Variants in SLC22A15 observed in about 807,000 individuals in gnomAD.
The protein encoded by SLC22A15 is solute carrier family 22 member 15.
SLC22A15 carries 45 observed loss-of-function variants against 62.7 expected under a neutral mutation model. The ratio of observed to expected loss-of-function variants is 0.72; its 90% CI spans 0.56 to 0.92. The LOEUF is 0.92. Ranked by LOEUF, SLC22A15 falls within the 40% of genes least tolerant of loss-of-function variation. SLC22A15 has a pLI of 0.00. For synonymous variants in SLC22A15, 264 were observed against 267.0 expected (o/e 0.99, Z 0.11); for missense variants, 622 against 665.6 (o/e 0.93, Z 0.72).
intron 2 of SLC22A15, among the ~76,000 whole-genome samples, chr1:115,999,820 AT>A (rs1382963020): frequency 6.6e-6 from 1 of 152,028 alleles, no homozygotes; most frequent in East Asian, 1.9e-4. Context: ...CTTAATTCTT[AT>A]ATCCACTTGC....
At chr1:116,058,435 G>T (rs1281571444) in intron 8 of SLC22A15, among the ~76,000 whole-genome samples, 1 of 152,166 alleles carries the variant, frequency 6.6e-6, no homozygotes, top group Non-Finnish European at 1.5e-5. Flanking sequence ...ACTCCTGCAA[G>T]ACTGGCCATA....
chr1:116,019,649 T>C lies in SLC22A15; in HGVS notation c.368T>C (p.Phe123Ser), dbSNP rs1311830041. The change falls in exon 3 of 12, where the codon TTT becomes TCT. Residue 123 changes from phenylalanine (F) to serine (S), a missense_variant. Coordinates refer to ENST00000369503, the MANE Select transcript of SLC22A15 (RefSeq NM_018420.3). ...AASSFFFSGVFVGVISFGQLS... is the reference protein window; with the variant it reads ...AASSFFFSGVSVGVISFGQLS... Reference sequence around the variant, plus strand: ...AGCTCTTTTTTCTTCAGTGGTGTATTTGTTGGAGTTATCTCTTTTGGTCAG... The same window carrying C: ...AGCTCTTTTTTCTTCAGTGGTGTATCTGTTGGAGTTATCTCTTTTGGTCAG... 6.2e-7 allele frequency: 1 copy of C among 1,613,602 alleles called. No homozygotes were observed. Among genetic ancestry groups the C allele is most frequent in the Non-Finnish European group, 8.5e-7 (1 of 1,179,798 alleles).
chr1:116,040,387 G>T (rs1657745564), intron 8 of SLC22A15, among the ~76,000 whole-genome samples: 1 of 152,156 alleles, frequency 6.6e-6, no homozygotes, highest in Non-Finnish European at 1.5e-5. Flanking sequence ...ATTAACCTTA[G>T]AACACTTGCT....
intron 2 of SLC22A15, among the ~76,000 whole-genome samples, chr1:116,017,167 G>A (rs1656578415): frequency 6.6e-6 from 1 of 151,792 alleles, no homozygotes; most frequent in African/African-American, 2.4e-5. Context: ...TTTTGTGGTT[G>A]GTTACTTGTC....
chr1:116,044,510 A>T (rs1486682592), intron 8 of SLC22A15, among the ~76,000 whole-genome samples: 2 of 152,254 alleles, frequency 1.3e-5, no homozygotes, highest in African/African-American at 4.8e-5. Flanking sequence ...TACCATTTCT[A>T]TGGAACATTG....
intron 1 of SLC22A15, among the ~76,000 whole-genome samples, chr1:115,978,467 A>T (rs1445844535): frequency 6.6e-6 from 1 of 152,198 alleles, no homozygotes. Context: ...CGGTACAAGG[A>T]CCAGGTCTTA....
chr1:116,036,695 C>A (rs754050715), intron 7 of SLC22A15, among the ~76,000 whole-genome samples: 47 of 152,124 alleles, frequency 3.1e-4, no homozygotes, highest in Non-Finnish European at 5.9e-4. Context: ...AAAAGGGAGA[C>A]TTTCTAATGT....
chr1:116,007,668 A>G (rs942200567), intron 2 of SLC22A15, among the ~76,000 whole-genome samples: 2 of 152,190 alleles, frequency 1.3e-5, no homozygotes, highest in African/African-American at 4.8e-5. Flanking sequence ...GAGGCCTTCC[A>G]TAGATGCTAT....
At chr1:115,993,894 C>T (rs1655286195) in intron 2 of SLC22A15, among the ~76,000 whole-genome samples, 2 of 152,110 alleles carry the variant, frequency 1.3e-5, no homozygotes, top group South Asian at 4.1e-4. Context: ...CCCAAGCTCT[C>T]AGCATAACCT....
chr1:116,053,942 G>T (rs1470733402), intron 8 of SLC22A15, among the ~76,000 whole-genome samples: 2 of 152,012 alleles, frequency 1.3e-5, no homozygotes, highest in Admixed American at 6.6e-5. Flanking sequence ...ACCAGCCGCT[G>T]CAAAATCATG....
intron 8 of SLC22A15, among the ~76,000 whole-genome samples, chr1:116,061,979 C>T (rs1428723183): frequency 1.3e-5 from 2 of 152,074 alleles, no homozygotes; most frequent in Non-Finnish European, 2.9e-5. Context: ...AAGGCTGAGG[C>T]AGGTGGATCA....
chr1:115,997,598 A>G (rs1002420550), intron 2 of SLC22A15, among the ~76,000 whole-genome samples: 1 of 151,988 alleles, frequency 6.6e-6, no homozygotes, highest in Non-Finnish European at 1.5e-5. Context: ...TTTCTCTTTC[A>G]GATTGTTCAC....
intron 2 of SLC22A15, 34 bp downstream of exon 2, chr1:115,992,277 GTC>G (rs1655184225): frequency 1.3e-6 from 2 of 1,495,744 alleles, no homozygotes; most frequent in African/African-American, 2.8e-5. Flanking sequence ...CTAAATAAAT[GTC>G]TCTCTTTGTC....
chr1:116,037,276 A>C, intron 7 of SLC22A15, 27 bp from the exon 8 acceptor site: 2 of 1,576,774 alleles, frequency 1.3e-6, no homozygotes, highest in South Asian at 2.2e-5. Flanking sequence ...TCTTAAGAGA[A>C]CTGTGTAATT....
chr1:116,002,928 A>G (rs1655808865), intron 2 of SLC22A15, among the ~76,000 whole-genome samples: 1 of 151,724 alleles, frequency 6.6e-6, no homozygotes, highest in Non-Finnish European at 1.5e-5. Flanking sequence ...CCCCATGGCA[A>G]CCACAGCTGG....
chr1:116,064,634 C>G, intron 10 of SLC22A15, 126 bp downstream of exon 10: 2 of 689,740 alleles, frequency 2.9e-6, no homozygotes, highest in Non-Finnish European at 5.2e-6. Flanking sequence ...TGAACCTTGG[C>G]CCTTTTAGAT....
chr1:115,992,661 G>T lies in SLC22A15; in HGVS notation c.300+418G>T, dbSNP rs534717556. Among the ~76,000 whole-genome samples the T allele has an allele frequency of 3.3e-3, 379 of 115,618 alleles. 1 individual carries two copies. The highest frequency in any genetic ancestry group is 7.6e-3 in the Admixed American group (74 of 9,686). The allele number at this position is 115,618 out of a possible 152,430, so 75.8% of individuals were successfully genotyped here. On this transcript the variant is annotated intron_variant, in intron 2 of 11. Coordinates refer to ENST00000369503, the MANE Select transcript of SLC22A15 (RefSeq NM_018420.3). ...TTTTGAGACGGAGTCTTGCTTTGTT[G>T]CCCAAGCTGGAGTGCAGTGGCGCAA...
chr1:116,010,626 T>C (rs1044304043), intron 2 of SLC22A15, among the ~76,000 whole-genome samples: 1 of 152,230 alleles, frequency 6.6e-6, no homozygotes, highest in Non-Finnish European at 1.5e-5. Flanking sequence ...TAGATTTTCA[T>C]GTACAAAGTT....
At chr1:116,038,873 C>T (rs138444313) in intron 8 of SLC22A15, among the ~76,000 whole-genome samples, 1 of 152,278 alleles carries the variant, frequency 6.6e-6, no homozygotes, top group African/African-American at 2.4e-5. Flanking sequence ...CACGTGTAAC[C>T]TATCACACCT....
Sources: gnomAD v4.1 joint callset for allele counts (sites outside exome capture counted in the v4.1 genomes callset) on GRCh38, gnomAD v4.1.1 for gene constraint, MANE v1.5 for transcripts, NCBI Gene and HGNC (gene_info 2026-07-23, HGNC 2026-07-21) for gene names.